The following LIMCH1 variants were observed in gnomAD, a reference collection of about 807,000 sequenced individuals.
The protein encoded by LIMCH1 is LIM and calponin homology domains-containing protein 1.
In LIMCH1, 113 loss-of-function variants were observed where a neutral mutation model predicts 176.5. The observed-to-expected ratio is 0.64, with a 90% confidence interval of 0.55 to 0.75. The LOEUF is 0.75. LIMCH1 is among the 30% of genes least tolerant of loss of function. LIMCH1 has a pLI of 0.00. For missense variants in LIMCH1, 1,674 were observed against 1,814.9 expected, an observed-to-expected ratio of 0.92 and a Z score of 1.41; for synonymous variants, 619 against 645.9, an observed-to-expected ratio of 0.96 and a Z score of 0.63.
chr4:41,415,853 T>A (rs894713569), intron 1 of LIMCH1, among the ~76,000 whole-genome samples: 2 of 152,018 alleles, frequency 1.3e-5, no homozygotes, highest in African/African-American at 4.8e-5. Context: ...GGCACGCGCC[T>A]GTAATCCCAG....
At chr4:41,455,418 G>C (rs2064460202) in intron 1 of LIMCH1, among the ~76,000 whole-genome samples, 1 of 152,108 alleles carries the variant, frequency 6.6e-6, no homozygotes. Context: ...TGCTCAGCTG[G>C]GTTTTTACAA....
chr4:41,378,064 C>T (rs965982942), intron 1 of LIMCH1, among the ~76,000 whole-genome samples: 4 of 152,226 alleles, frequency 2.6e-5, no homozygotes, highest in African/African-American at 9.6e-5. Flanking sequence ...TTGGATGGGG[C>T]AGTAAGGGTG....
intron 1 of LIMCH1, among the ~76,000 whole-genome samples, chr4:41,449,000 C>T (rs1178897191): frequency 6.6e-6 from 1 of 152,098 alleles, no homozygotes; most frequent in Non-Finnish European, 1.5e-5. Context: ...ATCAAACACA[C>T]ACAGAGTTCA....
chr4:41,625,170 T>G (rs1311930013), intron 7 of LIMCH1, among the ~76,000 whole-genome samples: 1 of 152,202 alleles, frequency 6.6e-6, no homozygotes, highest in Non-Finnish European at 1.5e-5. Flanking sequence ...CTAGAGACCT[T>G]AATATTCTCT....
intron 3 of LIMCH1, among the ~76,000 whole-genome samples, chr4:41,529,975 C>G (rs577137810): frequency 9.2e-5 from 14 of 152,154 alleles, no homozygotes; most frequent in Non-Finnish European, 1.0e-4. Context: ...GTACTTTTCT[C>G]TAATCAAAGA....
At chr4:41,441,136 G>A (rs2062661871) in intron 1 of LIMCH1, among the ~76,000 whole-genome samples, 1 of 152,058 alleles carries the variant, frequency 6.6e-6, no homozygotes, top group South Asian at 2.1e-4. Flanking sequence ...TGTATTGCTA[G>A]GGATTTTTAA....
chr4:41,689,882 T>C (rs1724058953), intron 30 of LIMCH1: 2 of 342,220 alleles, frequency 5.8e-6, no homozygotes, highest in African/African-American at 2.1e-5. Context: ...CTAAAGAACA[T>C]ATACTCCAGC....
chr4:41,605,834 T>C, intron 3 of LIMCH1, 60 bp from the exon 4 acceptor site: 1 of 1,009,978 alleles, frequency 9.9e-7, no homozygotes. Flanking sequence ...CATTATTGAC[T>C]CCTTAGTTTA....
intron 2 of LIMCH1, among the ~76,000 whole-genome samples, chr4:41,602,718 G>A (rs916358141): frequency 6.6e-6 from 1 of 151,926 alleles, no homozygotes; most frequent in Non-Finnish European, 1.5e-5. Context: ...TGAGGCAGGA[G>A]AATCGCTTGA....
At chr4:41,360,780 GCGGCGGCGA>G (rs1281234153) in exon 1 of LIMCH1, 38 of 1,325,758 alleles carry the variant, frequency 2.9e-5, no homozygotes, top group African/African-American at 4.6e-5. The surrounding 1 kb of genome is among the most constrained non-coding windows in gnomAD (Gnocchi z 4.5). Flanking sequence ...GCGCGCTCCT[GCGGCGGCGA>G]CGGCGGCGGC....
At chr4:41,598,093 C>CA (rs1167188130) in intron 1 of LIMCH1, among the ~76,000 whole-genome samples, 2 of 152,286 alleles carry the variant, frequency 1.3e-5, no homozygotes, top group Non-Finnish European at 2.9e-5. Context: ...TTAGCACCTT[C>CA]AAAAGTCTTT....
rs1001451086 is a variant in LIMCH1, at chr4:41,661,573, A to G, written c.3127+63A>G. On this transcript the variant is annotated intron_variant, in intron 19 of 31. Transcript: ENST00000503057. ...GGTAACTGTTTAAGATGTAATGGAA[A>G]TAGTCAAGAATTTTTCCTACTGAGC... is the stretch of plus-strand genomic sequence containing the variant. The G allele has an allele frequency of 2.5e-6, 3 of 1,194,492 alleles. No homozygotes were observed. The African/African-American group carries it at 4.6e-5, about 18-fold the overall frequency. The allele number at this position is 1,194,492 out of a possible 1,614,324, so 74.0% of individuals were successfully genotyped here. A position where few individuals can be genotyped will look rare whatever the true frequency, so the allele number is the denominator to read the frequency against.
chr4:41,394,406 A>C (rs1156495956), intron 1 of LIMCH1, among the ~76,000 whole-genome samples: 1 of 152,202 alleles, frequency 6.6e-6, no homozygotes. Flanking sequence ...TTAAATTCTT[A>C]AATTTCATAT....
upstream of LIMCH1, among the ~76,000 whole-genome samples, chr4:41,536,714 A>G (rs1462017442): frequency 6.6e-6 from 1 of 152,232 alleles, no homozygotes; most frequent in Non-Finnish European, 1.5e-5. Context: ...CCCGACCAGT[A>G]TTCTTCAAAA....
chr4:41,685,190 A>AT (rs1719684932), intron 27 of LIMCH1, among the ~76,000 whole-genome samples: 1 of 152,164 alleles, frequency 6.6e-6, no homozygotes, highest in African/African-American at 2.4e-5. Context: ...GAATTAACGA[A>AT]TTTTGCCTTA....
At chr4:41,361,689 G>T (rs2052084548) in intron 1 of LIMCH1, among the ~76,000 whole-genome samples, 1 of 152,158 alleles carries the variant, frequency 6.6e-6, no homozygotes, top group African/African-American at 2.4e-5. Context: ...TGGAGCTCTC[G>T]GCTCTCAGTC....
Position 41,644,542 on chromosome 4 carries a change from G to C in LIMCH1, c.2169G>C (p.Ala723=), listed in dbSNP as rs376065834. The C allele has an allele frequency of 2.6e-5, 41 of 1,599,768 alleles. No individual in the cohort carries two copies. Among genetic ancestry groups the C allele is most frequent in the African/African-American group, 9.4e-5 (7 of 74,472 alleles). Residue 723 remains alanine, a synonymous_variant, in exon 15 of 32, where the codon GCG becomes GCC. Coordinates refer to ENST00000503057, the MANE Select transcript of LIMCH1 (RefSeq NM_001330672.2). ...MFDMRCEEEA[A]VQPHSRARQE... is the part of the protein sequence containing the mutation. ...ACATGCGGTGTGAGGAGGAGGCCGC[G>C]GTGCAGCCGCACAGCAGGGCCCGCC...
rs1168713286 is a variant in LIMCH1 at position 41,674,708 on chromosome 4, C to T, written c.3439-1674C>T. On this transcript the variant is annotated intron_variant, in intron 22 of 31. Transcript: ENST00000503057. The stretch of plus-strand genomic sequence containing the variant: ...AAACGTGCTCAAAACATTATGTTAG[C>T]CTGCAATTGGGCAAAATCATCTCAC... Among the ~76,000 whole-genome samples, 6 of 152,140 alleles carry T rather than the reference C, an allele frequency of 3.9e-5. 1 individual carries two copies. Among genetic ancestry groups the T allele is most frequent in the Admixed American group, 2.0e-4 (3 of 15,270 alleles).
intron 1 of LIMCH1, among the ~76,000 whole-genome samples, chr4:41,432,549 C>T (rs2061694683): frequency 6.6e-6 from 1 of 152,204 alleles, no homozygotes; most frequent in Admixed American, 6.5e-5. Context: ...TCCCTGACAA[C>T]TTTCTCAATA....
Sources: gnomAD v4.1 joint callset for allele counts (sites outside exome capture counted in the v4.1 genomes callset) on GRCh38, gnomAD v4.1.1 for gene constraint, Gnocchi (gnomAD v3.1) non-coding constraint, MANE v1.5 for transcripts, NCBI Gene and HGNC (gene_info 2026-07-23, HGNC 2026-07-21) for gene names.